The following CNTN6 variants were observed in gnomAD, a reference collection of about 807,000 sequenced individuals.
CNTN6 encodes the protein contactin-6.
Under a neutral mutation model 122.8 loss-of-function variants are expected in CNTN6, and 137 were observed. That is an observed-to-expected ratio of 1.12 (90% CI 0.97 to 1.29). The LOEUF (loss-of-function observed/expected upper bound fraction) is 1.29, where lower values mean the gene tolerates loss of function less well. CNTN6 is among the 50% of genes most tolerant of loss of function. The pLI, the probability that CNTN6 is intolerant of heterozygous loss-of-function variation, is 0.00. For synonymous variants in CNTN6, 570 were observed against 426.0 expected (o/e 1.34, Z -4.16); for missense variants, 1,634 against 1,223.4 (o/e 1.34, Z -5.01).
intron 7 of CNTN6, among the ~76,000 whole-genome samples, chr3:1,303,584 T>C (rs1697804911): frequency 6.6e-6 from 1 of 152,186 alleles, no homozygotes; most frequent in Non-Finnish European, 1.5e-5. Context: ...TTCTCTGCAC[T>C]GTAATTATAT....
chr3:1,283,684 C>T (rs184094936), intron 5 of CNTN6, among the ~76,000 whole-genome samples: 3 of 152,272 alleles, frequency 2.0e-5, no homozygotes, highest in Non-Finnish European at 2.9e-5. Context: ...GTAAAGAACA[C>T]TCTTTCCCTT....
chr3:1,293,230 TTTCC>T (rs1695630841), intron 5 of CNTN6, among the ~76,000 whole-genome samples: 1 of 152,150 alleles, frequency 6.6e-6, no homozygotes, highest in Non-Finnish European at 1.5e-5. Flanking sequence ...CTTCTTTCTC[TTTCC>T]TTCCTTCCAC....
intron 11 of CNTN6, among the ~76,000 whole-genome samples, chr3:1,330,551 G>T (rs1198444473): frequency 6.6e-6 from 1 of 151,890 alleles, no homozygotes; most frequent in East Asian, 1.9e-4. Flanking sequence ...GTACCGTAGA[G>T]CCTTGTATAC....
intron 19 of CNTN6, among the ~76,000 whole-genome samples, chr3:1,383,983 G>A (rs1298498829): frequency 1.3e-5 from 2 of 150,070 alleles, no homozygotes; most frequent in Non-Finnish European, 3.0e-5. Context: ...CCCTGTTTCA[G>A]TCAGTCTTCA....
intron 1 of CNTN6, among the ~76,000 whole-genome samples, chr3:1,105,436 T>C (rs1051123119): frequency 6.6e-6 from 1 of 152,156 alleles, no homozygotes; most frequent in Non-Finnish European, 1.5e-5. Flanking sequence ...TTTTCACTTT[T>C]CTTCAAGTTT....
At chr3:1,251,437 A>G (rs2094667512) in intron 4 of CNTN6, among the ~76,000 whole-genome samples, 1 of 151,262 alleles carries the variant, frequency 6.6e-6, no homozygotes, top group East Asian at 2.0e-4. Flanking sequence ...CTATACTGAG[A>G]CAAAGGCAAA....
At chr3:1,361,721 C>T (rs1707489371) in intron 12 of CNTN6, among the ~76,000 whole-genome samples, 1 of 152,102 alleles carries the variant, frequency 6.6e-6, no homozygotes, top group South Asian at 2.1e-4. Context: ...CAACCTCCCA[C>T]TGATGTTCAC....
At chr3:1,389,836 G>A (rs1364948311) in intron 20 of CNTN6, among the ~76,000 whole-genome samples, 1 of 151,410 alleles carries the variant, frequency 6.6e-6, no homozygotes, top group Non-Finnish European at 1.5e-5. Flanking sequence ...ATGGTAAAGG[G>A]ATCAATTCAA....
chr3:1,349,456 G>T (rs1004223967), intron 11 of CNTN6, among the ~76,000 whole-genome samples: 1 of 151,000 alleles, frequency 6.6e-6, no homozygotes. Context: ...TTTTAATGTC[G>T]TTCATTGATA....
At chr3:1,288,547 G>A (rs1694744131) in intron 5 of CNTN6, among the ~76,000 whole-genome samples, 1 of 152,096 alleles carries the variant, frequency 6.6e-6, no homozygotes, top group South Asian at 2.1e-4. Context: ...TTCCAAAGGG[G>A]GGATTTACCC....
At chr3:1,163,183 T>C (rs889818230) in intron 2 of CNTN6, among the ~76,000 whole-genome samples, 2 of 152,204 alleles carry the variant, frequency 1.3e-5, no homozygotes, top group Admixed American at 1.3e-4. Flanking sequence ...AAAGGCAATT[T>C]GGGACTCTTC....
At chr3:1,294,333 G>C (rs1695833695) in intron 5 of CNTN6, among the ~76,000 whole-genome samples, 1 of 152,062 alleles carries the variant, frequency 6.6e-6, no homozygotes, top group African/African-American at 2.4e-5. Context: ...TTAAATGAAA[G>C]AATTCAGACA....
At chr3:1,374,189 A>T in intron 16 of CNTN6, 116 bp downstream of exon 16, 3 of 994,570 alleles carry the variant, frequency 3.0e-6, no homozygotes, top group Non-Finnish European at 4.2e-6. Flanking sequence ...GTTTGGCAGT[A>T]AACGAGTGGC....
intron 1 of CNTN6, among the ~76,000 whole-genome samples, chr3:1,146,431 C>T (rs2092724141): frequency 6.6e-6 from 1 of 152,070 alleles, no homozygotes; most frequent in Non-Finnish European, 1.5e-5. Context: ...CCCTACAGCT[C>T]TGCTGTTTTC....
chr3:1,386,221 TAAG>T (rs1692897678), intron 20 of CNTN6, among the ~76,000 whole-genome samples: 1 of 142,936 alleles, frequency 7.0e-6, no homozygotes, highest in South Asian at 2.1e-4. Flanking sequence ...TTATTAATAA[TAAG>T]TGTCCAGTAC....
In CNTN6 at chr3:1,403,528, A is replaced by G. The variant is rs74788015; in HGVS notation, c.*110A>G. On this transcript the variant is annotated 3_prime_UTR_variant, in exon 23 of 23. Coordinates refer to ENST00000446702, the MANE Select transcript of CNTN6 (RefSeq NM_001289080.2). ...TCTTAATACAGACTTGTTTGCAAAGAAAAAAAAAAGTATATTATTAAAATC... is the reference window on the plus strand; with the variant it reads ...TCTTAATACAGACTTGTTTGCAAAGGAAAAAAAAAGTATATTATTAAAATC... 9.0e-6 allele frequency: 4 copies of G among 445,692 alleles called. No individual in the cohort carries two copies. Among genetic ancestry groups the G allele is most frequent in the Non-Finnish European group, 1.2e-5 (3 of 258,548 alleles). 27.6% of individuals were successfully genotyped at this position (445,692 alleles called of 1,614,324 possible).
At chr3:1,169,530 G>A (rs958790207) in intron 2 of CNTN6, among the ~76,000 whole-genome samples, 9 of 152,164 alleles carry the variant, frequency 5.9e-5, no homozygotes, top group African/African-American at 2.2e-4. Flanking sequence ...CGTATTTAAC[G>A]AGGGGCTAGA....
intron 2 of CNTN6, among the ~76,000 whole-genome samples, chr3:1,184,111 C>T (rs976076830): frequency 6.6e-6 from 1 of 152,062 alleles, no homozygotes; most frequent in African/African-American, 2.4e-5. Flanking sequence ...ATCTTATGTA[C>T]CTGGTCATGG....
chr3:1,374,071 C>A lies in CNTN6; in HGVS notation c.2093C>A (p.Ser698Ter), dbSNP rs1196517033. ...EPSELLRTKA[S>*]VPVVAPVNIH... ...TCAGAATTGTTAAGAACTAAAGCAT[C>A]AGGTAAAGAATCAATGTGTTCTAAA... Residue 698 changes from serine (S) to a stop codon, truncating the protein, a stop_gained and splice_region_variant, in exon 16 of 23, where the codon TCA (serine) becomes TAA (stop). Transcript: ENST00000446702. LOFTEE classifies it high-confidence loss of function. 1 of 1,611,850 alleles carries A rather than the reference C, an allele frequency of 6.2e-7. No homozygotes were observed. The highest frequency in any genetic ancestry group is 8.5e-7 in the Non-Finnish European group (1 of 1,178,538).
Sources: allele counts gnomAD v4.1 joint callset (sites outside exome capture counted in the v4.1 genomes callset), GRCh38; gene constraint gnomAD v4.1.1; transcripts MANE v1.5; gene names NCBI Gene and HGNC (gene_info 2026-07-23, HGNC 2026-07-21).